Variants in MEIKIN observed in about 807,000 individuals in gnomAD.
MEIKIN encodes meiotic kinetochore factor, also known as meiosis-specific kinetochore protein.
chr5:131,914,487 G>A (rs1170375891), intron 7 of MEIKIN, among the ~76,000 whole-genome samples: 3 of 132,508 alleles, frequency 2.3e-5, no homozygotes, highest in Non-Finnish European at 3.1e-5. Flanking sequence ...GAAAGAGAGA[G>A]AAAGAGGAGA....
At chr5:131,825,674 T>C (rs921402508) in intron 11 of MEIKIN, among the ~76,000 whole-genome samples, 2 of 152,154 alleles carry the variant, frequency 1.3e-5, no homozygotes, top group Non-Finnish European at 2.9e-5. Flanking sequence ...ATAAACCACA[T>C]TGTTTGCATA....
chr5:131,927,317 T>C (rs1215667412), intron 5 of MEIKIN, among the ~76,000 whole-genome samples: 3 of 152,242 alleles, frequency 2.0e-5, no homozygotes, highest in East Asian at 1.9e-4. Flanking sequence ...TTTGTTCCAT[T>C]ATGGTCAGAA....
intron 12 of MEIKIN, among the ~76,000 whole-genome samples, chr5:131,811,468 A>G (rs1772952432): frequency 6.6e-6 from 1 of 150,938 alleles, no homozygotes. Context: ...AACCATGCCC[A>G]GCTAATTTTT....
chr5:131,918,213 T>C (rs1232168681), intron 6 of MEIKIN, among the ~76,000 whole-genome samples: 1 of 152,148 alleles, frequency 6.6e-6, no homozygotes, highest in African/African-American at 2.4e-5. Flanking sequence ...AGCCAAGAGA[T>C]AGAGAGGAAA....
chr5:131,844,780 C>G (rs1227595446), intron 11 of MEIKIN, among the ~76,000 whole-genome samples: 1 of 151,982 alleles, frequency 6.6e-6, no homozygotes, highest in Non-Finnish European at 1.5e-5. Flanking sequence ...TTTCTTTTCT[C>G]CTTTTAGGAG....
At chr5:131,819,170 CT>C (rs1749429914) in intron 11 of MEIKIN, among the ~76,000 whole-genome samples, 1 of 151,964 alleles carries the variant, frequency 6.6e-6, no homozygotes, top group African/African-American at 2.4e-5. Context: ...TTCAAGCATG[CT>C]GAAGTGGGAG....
chr5:131,837,345 T>C (rs1442976000), intron 11 of MEIKIN, among the ~76,000 whole-genome samples: 1 of 152,178 alleles, frequency 6.6e-6, no homozygotes. Flanking sequence ...CTATTCAGGA[T>C]CTTTTATGTT....
intron 11 of MEIKIN, among the ~76,000 whole-genome samples, chr5:131,847,089 T>G (rs565277826): frequency 6.6e-6 from 1 of 151,938 alleles, no homozygotes; most frequent in South Asian, 2.1e-4. Context: ...TTCAAATATT[T>G]CACTACAAAA....
intron 11 of MEIKIN, among the ~76,000 whole-genome samples, chr5:131,823,759 T>C (rs1381097267): frequency 6.6e-6 from 1 of 152,144 alleles, no homozygotes; most frequent in Non-Finnish European, 1.5e-5. Flanking sequence ...TGTTCATCAA[T>C]GTATGGGCAT....
intron 12 of MEIKIN, among the ~76,000 whole-genome samples, chr5:131,809,546 C>T (rs906758181): frequency 1.3e-5 from 2 of 152,086 alleles, no homozygotes; most frequent in Non-Finnish European, 2.9e-5. Context: ...CGGTGGCTCA[C>T]GCCTGTAATC....
intron 6 of MEIKIN, among the ~76,000 whole-genome samples, chr5:131,919,810 G>A (rs1291724560): frequency 6.6e-6 from 1 of 152,148 alleles, no homozygotes; most frequent in African/African-American, 2.4e-5. Context: ...AATGGTAGCT[G>A]GAAGAAGGAG....
chr5:131,931,464 T>C (rs576494407), intron 5 of MEIKIN, among the ~76,000 whole-genome samples: 1 of 152,316 alleles, frequency 6.6e-6, no homozygotes, highest in South Asian at 2.1e-4. Context: ...CTATCAGCAC[T>C]CTGAGACAGG....
At position 131,944,735 on chromosome 5, in the gene MEIKIN, G is replaced by A. The variant is rs938526813; in HGVS notation, c.218C>T (p.Thr73Ile). Residue 73 changes from threonine to isoleucine, a missense_variant, in exon 3 of 13, where the codon ACA becomes ATA. Thr to Ile is a moderately conservative substitution (Grantham distance 89, BLOSUM62 -1). Coordinates refer to ENST00000442687, the MANE Select transcript of MEIKIN (RefSeq NM_001303622.2). Reference sequence around the variant, plus strand: ...ATTTTCTTGCAGGCTTTTCTCTCCTGTAACTCCTAAGCGAGGGCTAACAAA... The same window carrying A: ...ATTTTCTTGCAGGCTTTTCTCTCCTATAACTCCTAAGCGAGGGCTAACAAA... ...SGPFSPRLGV[T>I]GEKSLQENRS... The A allele has an allele frequency of 5.0e-6, 2 of 398,962 alleles. No individual in the cohort carries two copies. The highest frequency in any genetic ancestry group is 4.4e-6 in the Non-Finnish European group (1 of 226,092). The allele number at this position is 398,962 out of a possible 1,614,324, so 24.7% of individuals were successfully genotyped here.
intron 5 of MEIKIN, among the ~76,000 whole-genome samples, chr5:131,927,479 G>A (rs1751606464): frequency 6.6e-6 from 1 of 152,162 alleles, no homozygotes; most frequent in South Asian, 2.1e-4. Flanking sequence ...TTAGGTCCAT[G>A]TTGTCTATAG....
chr5:131,824,309 G>C (rs1325377774), intron 11 of MEIKIN, among the ~76,000 whole-genome samples: 1 of 151,658 alleles, frequency 6.6e-6, no homozygotes, highest in African/African-American at 2.4e-5. Flanking sequence ...GAGGCCAGGA[G>C]TTCAAGACCA....
chr5:131,874,170 C>G (rs540423799), intron 9 of MEIKIN, among the ~76,000 whole-genome samples: 88 of 152,180 alleles, frequency 5.8e-4, no homozygotes, highest in Non-Finnish European at 1.1e-3. Flanking sequence ...GAAATAGAGA[C>G]ACAAAAAAAC....
At chr5:131,832,452 TGA>T (rs1308514755) in intron 11 of MEIKIN, among the ~76,000 whole-genome samples, 1 of 152,094 alleles carries the variant, frequency 6.6e-6, no homozygotes, top group Non-Finnish European at 1.5e-5. Context: ...GGGCTGGTGT[TGA>T]GTGTCTGTGG....
chr5:131,900,608 TAGG>T (rs1322745370), intron 8 of MEIKIN, among the ~76,000 whole-genome samples: 1 of 152,078 alleles, frequency 6.6e-6, no homozygotes, highest in Non-Finnish European at 1.5e-5. Context: ...CTTCCTCCTC[TAGG>T]AGATTTTAGC....
intron 8 of MEIKIN, among the ~76,000 whole-genome samples, chr5:131,892,063 T>C (rs1322530741): frequency 6.6e-6 from 1 of 152,132 alleles, no homozygotes; most frequent in Non-Finnish European, 1.5e-5. Context: ...TTCTGGCTTG[T>C]AGAGTTTCTG....
Sources: allele counts gnomAD v4.1 joint callset (sites outside exome capture counted in the v4.1 genomes callset), GRCh38; gene constraint gnomAD v4.1.1; transcripts MANE v1.5; gene names NCBI Gene and HGNC (gene_info 2026-07-23, HGNC 2026-07-21).